The following MALRD1 variants were observed in gnomAD, a reference collection of about 807,000 sequenced individuals.
MALRD1 encodes the protein MAM and LDL receptor class A domain containing 1.
Under a neutral mutation model 242.1 loss-of-function variants are expected in MALRD1, and 247 were observed. The ratio of observed to expected loss-of-function variants is 1.02; its 90% CI spans 0.92 to 1.13. The LOEUF (loss-of-function observed/expected upper bound fraction) is 1.13. Among genes scored for constraint, MALRD1 ranks in the 50% most tolerant of loss-of-function variants. MALRD1 has a pLI of 0.00. For missense variants in MALRD1, 2,989 were observed against 2,533.1 expected (o/e 1.18, Z -3.86); for synonymous variants, 995 against 866.6 (o/e 1.15, Z -2.60).
chr10:19,600,234 A>C (rs1838288538), intron 34 of MALRD1, among the ~76,000 whole-genome samples: 1 of 152,154 alleles, frequency 6.6e-6, no homozygotes, highest in Admixed American at 6.6e-5. Flanking sequence ...AGTGATTTTG[A>C]ACAACAGTGT....
chr10:19,077,618 G>A (rs1458842738), intron 2 of MALRD1, among the ~76,000 whole-genome samples: 1 of 151,902 alleles, frequency 6.6e-6, no homozygotes, highest in Non-Finnish European at 1.5e-5. Context: ...ACAGGTGTCT[G>A]AAGTGCTTGT....
At chr10:19,336,581 C>T (rs541331088) in intron 24 of MALRD1, among the ~76,000 whole-genome samples, 4 of 152,230 alleles carry the variant, frequency 2.6e-5, no homozygotes, top group African/African-American at 9.6e-5. Context: ...AGATCAATGA[C>T]AAGACAATGT....
chr10:19,517,824 A>G (rs1466928801), intron 31 of MALRD1, among the ~76,000 whole-genome samples: 1 of 152,234 alleles, frequency 6.6e-6, no homozygotes, highest in East Asian at 1.9e-4. Flanking sequence ...GTTGCAAGAG[A>G]GCAATGGACT....
intron 29 of MALRD1, among the ~76,000 whole-genome samples, chr10:19,461,500 C>T (rs1679806799): frequency 6.6e-6 from 1 of 151,998 alleles, no homozygotes; most frequent in Non-Finnish European, 1.5e-5. Context: ...TACAAGGAAT[C>T]ACATCAATCA....
At chr10:19,229,282 G>A (rs1267600005) in intron 18 of MALRD1, among the ~76,000 whole-genome samples, 5 of 151,970 alleles carry the variant, frequency 3.3e-5, no homozygotes, top group Non-Finnish European at 7.4e-5. Flanking sequence ...GAAAATTATA[G>A]CTTTATTTTT....
rs114582832 is a variant in MALRD1, at chr10:19,244,117, G to T, written c.2992-13567G>T. ...ACTAAGATCCAGTTTTCTAAGAAAA[G>T]ACCTTTTACTCATGCTTTAAAGCAT... On this transcript the variant is annotated intron_variant, in intron 18 of 39. Transcript: ENST00000454679. Among the ~76,000 whole-genome samples the T allele has an allele frequency of 3.8e-3, 571 of 152,154 alleles. 7 individuals are homozygous for T. Among genetic ancestry groups the T allele is most frequent in the African/African-American group, 0.013 (540 of 41,554 alleles).
In MALRD1 at chr10:19,582,573, T is replaced by C. The variant is rs960218869; in HGVS notation, c.5681-12621T>C. The stretch of plus-strand genomic sequence containing the variant: ...TTTCTGAGGGCTCTGTTCTGTTCCA[T>C]TGATCTATATCTCTGTTTTGGTACC... On this transcript the variant is annotated intron_variant, in intron 33 of 39. Coordinates refer to ENST00000454679, the MANE Select transcript of MALRD1 (RefSeq NM_001142308.3). Among the ~76,000 whole-genome samples, 195 of 138,870 alleles carry C rather than the reference T, an allele frequency of 1.4e-3. 1 individual carries two copies. The highest frequency in any genetic ancestry group is 2.5e-3 in the Non-Finnish European group (153 of 62,238). 91.1% of individuals were successfully genotyped at this position (138,870 alleles called of 152,430 possible).
At chr10:19,170,098 G>A (rs1018905024) in intron 13 of MALRD1, among the ~76,000 whole-genome samples, 1 of 152,176 alleles carries the variant, frequency 6.6e-6, no homozygotes, top group Non-Finnish European at 1.5e-5. Context: ...TGCTCTTCCT[G>A]CTGGCAAAGA....
At chr10:19,310,861 A>C (rs1367078547) in intron 21 of MALRD1, among the ~76,000 whole-genome samples, 1 of 151,404 alleles carries the variant, frequency 6.6e-6, no homozygotes, top group Non-Finnish European at 1.5e-5. Context: ...TCTATATTAC[A>C]GTGCATGTCC....
intron 28 of MALRD1, among the ~76,000 whole-genome samples, chr10:19,390,467 A>C (rs1846292972): frequency 6.6e-6 from 1 of 152,202 alleles, no homozygotes. Flanking sequence ...AGTATAACAA[A>C]GTGACAGTGT....
chr10:19,440,927 C>G (rs1254810295), intron 28 of MALRD1, among the ~76,000 whole-genome samples: 1 of 151,970 alleles, frequency 6.6e-6, no homozygotes, highest in Non-Finnish European at 1.5e-5. Context: ...ACACTGACTT[C>G]CACAATGGTT....
chr10:19,243,665 G>A (rs1158009087), intron 18 of MALRD1, among the ~76,000 whole-genome samples: 1 of 151,940 alleles, frequency 6.6e-6, no homozygotes, highest in Non-Finnish European at 1.5e-5. Flanking sequence ...TGCACAATTA[G>A]ACAACCAACA....
chr10:19,718,668 TA>T (rs1320772549), intron 38 of MALRD1, among the ~76,000 whole-genome samples: 2 of 152,176 alleles, frequency 1.3e-5, no homozygotes, highest in Admixed American at 1.3e-4. Flanking sequence ...AAACATTCTT[TA>T]AAGCATGACT....
chr10:19,342,328 T>G (rs1007764474), intron 24 of MALRD1, among the ~76,000 whole-genome samples: 12 of 152,140 alleles, frequency 7.9e-5, no homozygotes, highest in African/African-American at 2.7e-4. Context: ...ATCTTATAAT[T>G]AACACTCACA....
At chr10:19,116,798 G>C (rs958149910) in intron 5 of MALRD1, among the ~76,000 whole-genome samples, 1 of 152,092 alleles carries the variant, frequency 6.6e-6, no homozygotes, top group African/African-American at 2.4e-5. Context: ...GTAAGAATAA[G>C]AGAAAAAGAG....
At chr10:19,448,946 ATGTTTCTCCTTT>A (rs1835156109) in intron 28 of MALRD1, among the ~76,000 whole-genome samples, 1 of 152,024 alleles carries the variant, frequency 6.6e-6, no homozygotes, top group Non-Finnish European at 1.5e-5. Context: ...TTTCTCCAAC[ATGTTTCTCCTTT>A]TCTCTTTTCC....
At chr10:19,560,256 CA>C (rs753012065) in intron 32 of MALRD1, among the ~76,000 whole-genome samples, 95 of 152,274 alleles carry the variant, frequency 6.2e-4, no homozygotes, top group Non-Finnish European at 1.0e-3. Context: ...ATCACAAGGT[CA>C]AGAGCTCAAG....
chr10:19,422,228 G>T (rs1833741917), intron 28 of MALRD1, among the ~76,000 whole-genome samples: 1 of 152,152 alleles, frequency 6.6e-6, no homozygotes, highest in Admixed American at 6.6e-5. Flanking sequence ...CCCTGAGATG[G>T]AATGCCACTT....
chr10:19,204,493 T>A, intron 16 of MALRD1, 80 bp downstream of exon 16: 1 of 859,708 alleles, frequency 1.2e-6, no homozygotes, highest in Non-Finnish European at 1.8e-6. Context: ...CCTCTGCACT[T>A]ATTCATTTCT....
Sources: gnomAD v4.1 joint callset for allele counts (sites outside exome capture counted in the v4.1 genomes callset) on GRCh38, gnomAD v4.1.1 for gene constraint, MANE v1.5 for transcripts, NCBI Gene and HGNC (gene_info 2026-07-23, HGNC 2026-07-21) for gene names.